The following GUCY1A1 variants were observed in gnomAD, a reference collection of about 807,000 sequenced individuals.
GUCY1A1 encodes guanylate cyclase soluble subunit alpha-1.
In GUCY1A1, 48 loss-of-function variants were observed where a neutral mutation model predicts 64.5. That is an observed-to-expected ratio of 0.74 (90% CI 0.59 to 0.95). The LOEUF is 0.95. Ranked by LOEUF, GUCY1A1 falls within the 40% of genes least tolerant of loss-of-function variation. GUCY1A1 has a pLI of 0.00. For missense variants in GUCY1A1, 804 were observed against 825.3 expected, an observed-to-expected ratio of 0.97 and a Z score of 0.32; for synonymous variants, 308 against 303.4, an observed-to-expected ratio of 1.02 and a Z score of -0.16.
chr4:155,701,844 A>C (rs1023764668), intron 3 of GUCY1A1, among the ~76,000 whole-genome samples: 1 of 151,702 alleles, frequency 6.6e-6, no homozygotes, highest in South Asian at 2.1e-4. Flanking sequence ...AGAAGCAATT[A>C]ATATATATAT....
At chr4:155,672,530 T>A (rs1410396503) in intron 2 of GUCY1A1, among the ~76,000 whole-genome samples, 1 of 152,220 alleles carries the variant, frequency 6.6e-6, no homozygotes, top group Non-Finnish European at 1.5e-5. Context: ...GAGTCTCCAC[T>A]TTCTGCAGAA....
chr4:155,705,360 C>T (rs1731607749), intron 4 of GUCY1A1, among the ~76,000 whole-genome samples: 1 of 151,976 alleles, frequency 6.6e-6, no homozygotes, highest in African/African-American at 2.4e-5. Flanking sequence ...ACCAGACTGG[C>T]CAACATGGCG....
intron 9 of GUCY1A1, among the ~76,000 whole-genome samples, chr4:155,727,191 G>C (rs1365501655): frequency 2.6e-5 from 4 of 151,862 alleles, no homozygotes; most frequent in Non-Finnish European, 5.9e-5. Flanking sequence ...GAGGACATCT[G>C]GGCTGTTGCT....
Position 155,726,883 on chromosome 4 carries a change from A to T in GUCY1A1, c.1872-3147A>T, listed in dbSNP as rs1299358926. 2.6e-4 allele frequency among the ~76,000 whole-genome samples: 39 copies of T among 152,006 alleles called. 1 individual carries two copies. On this transcript the variant is annotated intron_variant, in intron 9 of 9. Transcript: ENST00000506455. Reference sequence around the variant, plus strand: ...AGGTCTACTACATTAGTTCCAGGTCAGTGGGTCAATGTTAGAGGATTATGT... The same window carrying T: ...AGGTCTACTACATTAGTTCCAGGTCTGTGGGTCAATGTTAGAGGATTATGT...
chr4:155,704,136 C>A, intron 4 of GUCY1A1, 143 bp downstream of exon 4: 1 of 518,052 alleles, frequency 1.9e-6, no homozygotes, highest in Non-Finnish European at 3.5e-6. Context: ...TTAGCTGATA[C>A]TAATTTCAAA....
At chr4:155,714,851 G>C (rs929712985) in intron 7 of GUCY1A1, among the ~76,000 whole-genome samples, 2 of 152,124 alleles carry the variant, frequency 1.3e-5, no homozygotes, top group African/African-American at 4.8e-5. Context: ...CTTCAGTTAC[G>C]TTAAGTTTGA....
At chr4:155,727,627 A>T (rs1488631669) in intron 9 of GUCY1A1, among the ~76,000 whole-genome samples, 3 of 151,764 alleles carry the variant, frequency 2.0e-5, no homozygotes, top group Non-Finnish European at 4.4e-5. Flanking sequence ...TTTATTTATT[A>T]GACTCTTATA....
chr4:155,707,335 A>G (rs1731910287), intron 4 of GUCY1A1, among the ~76,000 whole-genome samples: 1 of 152,200 alleles, frequency 6.6e-6, no homozygotes, highest in Non-Finnish European at 1.5e-5. Flanking sequence ...TAACCTACTG[A>G]ATAGCTTAGC....
chr4:155,717,061 A>C, intron 7 of GUCY1A1, 98 bp from the exon 8 acceptor site: 7 of 845,974 alleles, frequency 8.3e-6, no homozygotes, highest in Admixed American at 2.7e-5. Context: ...GGCCTGAGCA[A>C]TGAGAATTCT....
Position 155,697,076 on chromosome 4 carries a change from A to G in GUCY1A1, c.209A>G (p.Tyr70Cys), listed in dbSNP as rs372560637. 30 of 1,613,344 alleles carry G rather than the reference A, an allele frequency of 1.9e-5. No individual in the cohort carries two copies. Among genetic ancestry groups the G allele is most frequent in the East Asian group, 6.7e-5 (3 of 44,892 alleles). The part of the protein sequence containing the change: ...PQRKTSRSRV[Y>C]LHTLAESICK... ...AGAAAAACCAGTCGGAGCCGAGTCTATCTTCACACTTTGGCAGAGAGTATT... is the reference window on the plus strand; with the variant it reads ...AGAAAAACCAGTCGGAGCCGAGTCTGTCTTCACACTTTGGCAGAGAGTATT... Residue 70 changes from tyrosine to cysteine, a missense_variant, in exon 3 of 10, where the codon TAT (tyrosine) becomes TGT (cysteine). Transcript: ENST00000506455.
At chr4:155,694,588 T>A (rs774691822) in intron 2 of GUCY1A1, among the ~76,000 whole-genome samples, 1 of 152,212 alleles carries the variant, frequency 6.6e-6, no homozygotes, top group Non-Finnish European at 1.5e-5. Flanking sequence ...ATGTTCACAG[T>A]CTGCTTTTAC....
chr4:155,697,619 G>A (rs1426712108), intron 3 of GUCY1A1, among the ~76,000 whole-genome samples: 4 of 152,200 alleles, frequency 2.6e-5, no homozygotes, highest in African/African-American at 9.6e-5. Context: ...AGTTTTCAGA[G>A]TTGTGAAAAT....
intron 9 of GUCY1A1, among the ~76,000 whole-genome samples, chr4:155,726,348 T>G (rs1734665267): frequency 6.6e-6 from 1 of 151,972 alleles, no homozygotes; most frequent in Non-Finnish European, 1.5e-5. Flanking sequence ...CTGGGAAAAC[T>G]TAAAATAATA....
chr4:155,710,474 G>C, intron 5 of GUCY1A1, 68 bp from the exon 6 acceptor site: 1 of 935,126 alleles, frequency 1.1e-6, no homozygotes, highest in Non-Finnish European at 1.7e-6. Context: ...GTTGAAAATA[G>C]GAATAATGGC....
At chr4:155,727,019 G>A (rs971175125) in intron 9 of GUCY1A1, among the ~76,000 whole-genome samples, 2 of 151,936 alleles carry the variant, frequency 1.3e-5, no homozygotes, top group Non-Finnish European at 2.9e-5. Context: ...GGACAAGTCT[G>A]AGCACATTGT....
rs749486874 is a variant in GUCY1A1, at chr4:155,708,255, G to C, written c.337G>C (p.Asp113His). The part of the protein sequence containing the change: ...KESRKSLERE[D>H]FEKTIAEQAV... ...TTCCAGGAAATCTTTGGAAAGAGAA[G>C]ACTTTGAAAAAACAATTGCAGAGCA... is the stretch of plus-strand genomic sequence containing the variant. The change falls in exon 5 of 10, where the codon GAC (aspartate) becomes CAC (histidine). Residue 113 changes from aspartate (D) to histidine (H), a missense_variant. By Grantham distance (81) the Asp-to-His change is moderately conservative (BLOSUM62 -1). Coordinates refer to ENST00000506455, the MANE Select transcript of GUCY1A1 (RefSeq NM_001130682.3). 1 of 1,535,062 alleles carries C rather than the reference G, an allele frequency of 6.5e-7. No individual in the cohort carries two copies. Among genetic ancestry groups the C allele is most frequent in the East Asian group, 2.3e-5 (1 of 44,418 alleles).
chr4:155,713,140 A>G lies in GUCY1A1; in HGVS notation c.1129A>G (p.Ser377Gly). Residue 377 changes from serine to glycine, a missense_variant, in exon 7 of 10, where the codon AGT becomes GGT. Physicochemically the swap from Ser to Gly is moderately conservative, Grantham distance 56. Coordinates refer to ENST00000506455, the MANE Select transcript of GUCY1A1 (RefSeq NM_001130682.3). ...KGQMIYIVESSAILFLGSPCV... is the reference protein window; with the variant it reads ...KGQMIYIVESGAILFLGSPCV... ...CCAAATGATCTACATTGTTGAATCC[A>G]GTGCAATCTTGTTTTTGGGGTCACC... 2 of 1,613,368 alleles carry G rather than the reference A, an allele frequency of 1.2e-6. No individual in the cohort carries two copies. The highest frequency in any genetic ancestry group is 1.7e-6 in the Non-Finnish European group (2 of 1,179,348).
Position 155,711,159 on chromosome 4 carries a change from A to T in GUCY1A1, c.994A>T (p.Asn332Tyr). The part of the protein sequence containing the change: ...EYFEILTPKI[N>Y]QTFSGIMTML... ...CTTTGAAATTCTGACTCCAAAAATC[A>T]ACCAGACGTTTAGCGGGATCATGAC... The change falls in exon 6 of 10, where the codon AAC becomes TAC. Residue 332 changes from asparagine (N) to tyrosine (Y), a missense_variant. Transcript: ENST00000506455. 6.2e-7 allele frequency: 1 copy of T among 1,613,940 alleles called. No individual in the cohort carries two copies. The highest frequency in any genetic ancestry group is 8.5e-7 in the Non-Finnish European group (1 of 1,179,778).
At chr4:155,716,934 C>T (rs1251781210) in intron 7 of GUCY1A1, among the ~76,000 whole-genome samples, 3 of 152,116 alleles carry the variant, frequency 2.0e-5, no homozygotes, top group Non-Finnish European at 4.4e-5. Context: ...TTACTGTGTT[C>T]ATAGGACTGT....
Sources: allele counts gnomAD v4.1 joint callset (sites outside exome capture counted in the v4.1 genomes callset), GRCh38; gene constraint gnomAD v4.1.1; transcripts MANE v1.5; gene names NCBI Gene and HGNC (gene_info 2026-07-23, HGNC 2026-07-21).